Variants in CTNND2 observed in about 807,000 individuals in gnomAD.
CTNND2 encodes the protein catenin delta 2.
CTNND2 carries 22 observed loss-of-function variants against 144.4 expected under a neutral mutation model. That is an observed-to-expected ratio of 0.15 (90% CI 0.11 to 0.22). CTNND2 has a LOEUF of 0.22. Among genes scored for constraint, CTNND2 ranks in the 10% least tolerant of loss-of-function variants. CTNND2 has a pLI of 1.00. For missense variants in CTNND2, 1,353 were observed against 1,618.8 expected (o/e 0.84, Z 2.82); for synonymous variants, 751 against 695.6 (o/e 1.08, Z -1.25).
At chr5:11,382,595 C>CTGTGTATATGTGTGTGTGTG (rs755324887) in intron 7 of CTNND2, among the ~76,000 whole-genome samples, 4 of 130,148 alleles carry the variant, frequency 3.1e-5, no homozygotes, top group African/African-American at 1.2e-4. Context: ...GAGTGAGACT[C>CTGTGTATATGTGTGTGTGTG]TGTGTGTGTG....
At chr5:11,345,351 A>G (rs1364215409) in intron 9 of CTNND2, among the ~76,000 whole-genome samples, 12 of 152,244 alleles carry the variant, frequency 7.9e-5, no homozygotes, top group Non-Finnish European at 4.4e-5. Context: ...ATGGTGTTAT[A>G]CCAAATACAA....
intron 6 of CTNND2, among the ~76,000 whole-genome samples, chr5:11,394,849 A>C (rs1399041821): frequency 6.6e-6 from 1 of 152,222 alleles, no homozygotes; most frequent in Admixed American, 6.5e-5. Flanking sequence ...ATTACATTTA[A>C]ATTTACGAAC....
intron 1 of CTNND2, among the ~76,000 whole-genome samples, chr5:11,832,237 C>G (rs1047212575): frequency 5.3e-5 from 8 of 151,576 alleles, no homozygotes; most frequent in Non-Finnish European, 8.8e-5. Context: ...GAGCTGAGAT[C>G]GTGCCACTGC....
At chr5:11,832,787 G>A (rs1392166268) in intron 1 of CTNND2, among the ~76,000 whole-genome samples, 1 of 151,950 alleles carries the variant, frequency 6.6e-6, no homozygotes, top group Non-Finnish European at 1.5e-5. Flanking sequence ...CAAAAAATAG[G>A]AAAATTAGTG....
intron 16 of CTNND2, among the ~76,000 whole-genome samples, chr5:11,043,668 G>A (rs1218906128): frequency 2.0e-5 from 3 of 152,090 alleles, no homozygotes; most frequent in South Asian, 4.1e-4. Flanking sequence ...ATGACTTATT[G>A]TTATATCTGA....
chr5:11,403,480 A>T (rs369014989), intron 5 of CTNND2, among the ~76,000 whole-genome samples: 123 of 152,286 alleles, frequency 8.1e-4, no homozygotes, highest in African/African-American at 2.8e-3. Flanking sequence ...ATAACTCTCA[A>T]ATGTATAACT....
rs7719578 is a variant in CTNND2 at position 11,564,883 on chromosome 5, A to G, written c.287+61T>C. 612,662 of 1,145,926 alleles carry G rather than the reference A, an allele frequency of 0.53. 166,125 individuals are homozygous for G. Among genetic ancestry groups the G allele is most frequent in the Middle Eastern group, 0.64 (3,220 of 5,020 alleles). The allele number at this position is 1,145,926 out of a possible 1,614,324, so 71.0% of individuals were successfully genotyped here. On this transcript the variant is annotated intron_variant, in intron 3 of 21. Coordinates refer to ENST00000304623, the MANE Select transcript of CTNND2 (RefSeq NM_001332.4). Reference sequence around the variant, plus strand: ...CCACCGGGTTGGAAAGAAGAGAAACATCACGATTTACTTGCAGGGGCAACT... The same window carrying G: ...CCACCGGGTTGGAAAGAAGAGAAACGTCACGATTTACTTGCAGGGGCAACT...
At chr5:11,008,863 C>A (rs1489416024) in intron 18 of CTNND2, among the ~76,000 whole-genome samples, 1 of 152,190 alleles carries the variant, frequency 6.6e-6, no homozygotes, top group Non-Finnish European at 1.5e-5. Flanking sequence ...AAGACCTTCA[C>A]CATGAGCTCC....
At chr5:11,235,174 A>G (rs1408557659) in intron 10 of CTNND2, among the ~76,000 whole-genome samples, 1 of 152,172 alleles carries the variant, frequency 6.6e-6, no homozygotes, top group Non-Finnish European at 1.5e-5. Context: ...AATTCATGCT[A>G]ACGATGAAAT....
intron 8 of CTNND2, among the ~76,000 whole-genome samples, chr5:11,358,891 G>A (rs577898360): frequency 6.6e-6 from 1 of 152,258 alleles, no homozygotes; most frequent in African/African-American, 2.4e-5. Context: ...ATTACAAGCT[G>A]ACACATACAT....
chr5:11,079,673 A>T (rs543750755), intron 16 of CTNND2, among the ~76,000 whole-genome samples: 4 of 151,988 alleles, frequency 2.6e-5, no homozygotes, highest in Admixed American at 2.6e-4. Flanking sequence ...TTTCCCCCCA[A>T]ATACCTGCAT....
intron 9 of CTNND2, among the ~76,000 whole-genome samples, chr5:11,286,762 T>C (rs1747802880): frequency 6.6e-6 from 1 of 152,194 alleles, no homozygotes; most frequent in Non-Finnish European, 1.5e-5. Flanking sequence ...GCCCAAGCAT[T>C]TTAGACAACA....
intron 3 of CTNND2, among the ~76,000 whole-genome samples, chr5:11,514,301 A>G (rs1427750404): frequency 6.6e-6 from 1 of 152,216 alleles, no homozygotes; most frequent in Non-Finnish European, 1.5e-5. Flanking sequence ...GATTTAAAAT[A>G]AAGCCTAATA....
At chr5:11,057,596 T>G (rs887320489) in intron 16 of CTNND2, among the ~76,000 whole-genome samples, 1 of 152,206 alleles carries the variant, frequency 6.6e-6, no homozygotes, top group African/African-American at 2.4e-5. Flanking sequence ...GGGTATGTCT[T>G]TATCAGCAGT....
At chr5:11,542,099 A>T (rs1033217738) in intron 3 of CTNND2, among the ~76,000 whole-genome samples, 3 of 152,072 alleles carry the variant, frequency 2.0e-5, no homozygotes, top group African/African-American at 7.2e-5. Context: ...CAAGAACATG[A>T]CCTGCAGGGA....
chr5:11,208,491 G>A (rs376305623), intron 10 of CTNND2, among the ~76,000 whole-genome samples: 30 of 152,032 alleles, frequency 2.0e-4, no homozygotes, highest in African/African-American at 7.0e-4. Context: ...CAATGGGAGA[G>A]AAGAAAAAAA....
chr5:11,719,949 T>C (rs912742138), intron 2 of CTNND2, among the ~76,000 whole-genome samples: 22 of 152,008 alleles, frequency 1.4e-4, no homozygotes, highest in Non-Finnish European at 2.9e-5. Context: ...AAGGATAATA[T>C]ATTTTGAGCA....
chr5:10,986,864 T>C, intron 20 of CTNND2: 1 of 346,270 alleles, frequency 2.9e-6, no homozygotes, highest in South Asian at 2.1e-5. Context: ...TTATCTTCGC[T>C]GTCCTGGTTT....
intron 9 of CTNND2, among the ~76,000 whole-genome samples, chr5:11,258,913 C>T (rs746310114): frequency 2.6e-5 from 4 of 152,158 alleles, no homozygotes; most frequent in Non-Finnish European, 5.9e-5. Context: ...TCTTATGTCT[C>T]CTTCCTATTC....
Sources: allele counts gnomAD v4.1 joint callset (sites outside exome capture counted in the v4.1 genomes callset), GRCh38; gene constraint gnomAD v4.1.1; transcripts MANE v1.5; gene names NCBI Gene and HGNC (gene_info 2026-07-23, HGNC 2026-07-21).